Variants in MAGI3 observed in about 807,000 individuals in gnomAD.
MAGI3 encodes membrane associated guanylate kinase, WW and PDZ domain containing 3.
MAGI3 carries 43 observed loss-of-function variants against 121.8 expected under a neutral mutation model. The ratio of observed to expected loss-of-function variants is 0.35; its 90% CI spans 0.28 to 0.46. The LOEUF (loss-of-function observed/expected upper bound fraction) is 0.46, where lower values mean the gene tolerates loss of function less well. MAGI3 is among the 20% of genes least tolerant of loss of function. The probability of loss-of-function intolerance (pLI) is 1.00; values close to 1 mark genes in which losing one functional copy is unlikely to be tolerated. For missense variants in MAGI3, 1,547 were observed against 1,797.3 expected (o/e 0.86, Z 2.52); for synonymous variants, 553 against 639.3 (o/e 0.86, Z 2.04).
At chr1:113,577,578 G>A (rs1303867761) in intron 2 of MAGI3, among the ~76,000 whole-genome samples, 1 of 151,442 alleles carries the variant, frequency 6.6e-6, no homozygotes, top group African/African-American at 2.4e-5. Context: ...AAGGAAGGAA[G>A]ATAACTTTAT....
At chr1:113,414,089 G>C (rs879928902) in intron 1 of MAGI3, among the ~76,000 whole-genome samples, 11 of 152,060 alleles carry the variant, frequency 7.2e-5, no homozygotes, top group African/African-American at 2.2e-4. Context: ...TAGCATGAAG[G>C]GCTGTTGAAT....
Position 113,683,745 on chromosome 1 carries a change from A to T in MAGI3, c.4177A>T (p.Thr1393Ser). ...EKGKKVTTGE[T>S]SSSNDKIGEN... ...AGGAAAGAAAGTAACCACAGGAGAAACAAGTTCTAGTAACGATAAAATAGG... is the reference window on the plus strand; with the variant it reads ...AGGAAAGAAAGTAACCACAGGAGAATCAAGTTCTAGTAACGATAAAATAGG... Residue 1393 changes from threonine to serine, a missense_variant, in exon 21 of 21, where the codon ACA (threonine) becomes TCA (serine). Transcript: ENST00000307546. 1 of 1,601,866 alleles carries T rather than the reference A, an allele frequency of 6.2e-7. No individual in the cohort carries two copies. The highest frequency in any genetic ancestry group is 1.3e-5 in the African/African-American group (1 of 74,782).
At chr1:113,590,763 T>C (rs1229692063) in intron 5 of MAGI3, 105 bp downstream of exon 5, 2 of 1,014,612 alleles carry the variant, frequency 2.0e-6, no homozygotes, top group Non-Finnish European at 2.8e-6. Flanking sequence ...AGAAGACTCA[T>C]TTTTTTTCTT....
chr1:113,614,760 T>C, intron 7 of MAGI3, 102 bp downstream of exon 7: 1 of 779,546 alleles, frequency 1.3e-6, no homozygotes, highest in Non-Finnish European at 2.0e-6. Flanking sequence ...GTGATCCAGC[T>C]GTTGAGTTTT....
intron 1 of MAGI3, among the ~76,000 whole-genome samples, chr1:113,523,127 C>T (rs1658283353): frequency 6.6e-6 from 1 of 152,150 alleles, no homozygotes; most frequent in South Asian, 2.1e-4. Context: ...TTCTTTTCTG[C>T]CACCATGTGA....
chr1:113,671,473 A>T (rs1303344581), intron 16 of MAGI3, among the ~76,000 whole-genome samples: 6 of 152,216 alleles, frequency 3.9e-5, no homozygotes, highest in Non-Finnish European at 8.8e-5. Flanking sequence ...ATTTTATGTT[A>T]TATGGATGAC....
At chr1:113,573,475 G>A (rs908938014) in intron 2 of MAGI3, among the ~76,000 whole-genome samples, 2 of 152,176 alleles carry the variant, frequency 1.3e-5, no homozygotes, top group African/African-American at 4.8e-5. Context: ...TCAGGAGCAG[G>A]TTTTTCAGTT....
At chr1:113,534,756 T>C (rs1658886924) in intron 1 of MAGI3, among the ~76,000 whole-genome samples, 1 of 152,152 alleles carries the variant, frequency 6.6e-6, no homozygotes, top group African/African-American at 2.4e-5. Flanking sequence ...GTCCTCTTCG[T>C]TTTATTTATT....
intron 2 of MAGI3, among the ~76,000 whole-genome samples, chr1:113,557,422 A>G (rs184549569): frequency 6.9e-4 from 105 of 152,338 alleles, no homozygotes; most frequent in African/African-American, 2.5e-3. Flanking sequence ...CTCCACCAGG[A>G]CACAGCTGTT....
chr1:113,522,873 A>G (rs796676138), intron 1 of MAGI3, among the ~76,000 whole-genome samples: 49 of 152,334 alleles, frequency 3.2e-4, no homozygotes, highest in African/African-American at 1.1e-3. Context: ...ACATTTTCCT[A>G]TACAAGCACA....
At chr1:113,598,166 T>C (rs1267403050) in intron 6 of MAGI3, among the ~76,000 whole-genome samples, 2 of 151,896 alleles carry the variant, frequency 1.3e-5, no homozygotes, top group African/African-American at 4.8e-5. Context: ...TAGCCAAGAT[T>C]GCACCACTGT....
chr1:113,572,932 C>G (rs1240187519), intron 2 of MAGI3, among the ~76,000 whole-genome samples: 2 of 145,850 alleles, frequency 1.4e-5, no homozygotes, highest in East Asian at 2.0e-4. Context: ...GTTCTGCTAG[C>G]TTTTTTTTTT....
At chr1:113,418,819 T>C (rs1425396106) in intron 1 of MAGI3, among the ~76,000 whole-genome samples, 1 of 152,184 alleles carries the variant, frequency 6.6e-6, no homozygotes, top group African/African-American at 2.4e-5. Context: ...TTATATCTGA[T>C]AAAATTCCAA....
At chr1:113,615,184 A>C (rs6673379) in intron 7 of MAGI3, among the ~76,000 whole-genome samples, 2,480 of 152,288 alleles carry the variant, frequency 0.016, 78 homozygotes, top group African/African-American at 0.056. Context: ...AAATTTAAAC[A>C]TAAATATATA....
chr1:113,568,984 A>G (rs1380399251), intron 2 of MAGI3, among the ~76,000 whole-genome samples: 1 of 152,168 alleles, frequency 6.6e-6, no homozygotes, highest in Non-Finnish European at 1.5e-5. Context: ...AATTTCTTAA[A>G]AAGGTGAAAA....
At chr1:113,441,299 A>G (rs572125198) in intron 1 of MAGI3, among the ~76,000 whole-genome samples, 226 of 152,188 alleles carry the variant, frequency 1.5e-3, no homozygotes, top group African/African-American at 5.2e-3. Context: ...TTCCACAATT[A>G]TTAGATCTCC....
intron 5 of MAGI3, among the ~76,000 whole-genome samples, chr1:113,592,694 GA>G (rs1163621701): frequency 6.6e-6 from 1 of 152,012 alleles, no homozygotes; most frequent in Non-Finnish European, 1.5e-5. Context: ...TTTTTCTACA[GA>G]AATAAGCTAT....
chr1:113,684,354 G>C lies in MAGI3; in HGVS notation c.*340G>C, dbSNP rs181215140. 1 of 175,700 alleles carries C rather than the reference G, an allele frequency of 5.7e-6. No homozygotes were observed. The highest frequency in any genetic ancestry group is 1.5e-4 in the East Asian group (1 of 6,600). 10.9% of individuals were successfully genotyped at this position (175,700 alleles called of 1,614,324 possible). A position where few individuals can be genotyped will look rare whatever the true frequency, so the allele number is the denominator to read the frequency against. ...ACAACTCACTTTGTATTTGTGCCAA[G>C]TTATCTACTGTATCATGTCTGTTTT... On this transcript the variant is annotated 3_prime_UTR_variant, in exon 21 of 21. Transcript: ENST00000307546.
At position 113,555,127 on chromosome 1, in the gene MAGI3, A is replaced by C. The variant is rs544499370; in HGVS notation, c.433+5496A>C. On this transcript the variant is annotated intron_variant, in intron 2 of 20. Transcript: ENST00000307546. ...TTAACATGCTGCAAGGAAAAAAAAA[A>C]ACGCCAACCTGGATTTCTATGTACA... Among the ~76,000 whole-genome samples the C allele has an allele frequency of 1.4e-4, 22 of 152,058 alleles. No homozygotes were observed. The East Asian group carries it at 2.9e-3, about 20-fold the overall frequency.
Sources: allele counts gnomAD v4.1 joint callset (sites outside exome capture counted in the v4.1 genomes callset), GRCh38; gene constraint gnomAD v4.1.1; transcripts MANE v1.5; gene names NCBI Gene and HGNC (gene_info 2026-07-23, HGNC 2026-07-21).